Variants in CDKAL1 observed in about 807,000 individuals in gnomAD.
CDKAL1 encodes the protein threonylcarbamoyladenosine tRNA methylthiotransferase.
A neutral mutation model predicts 68.2 loss-of-function variants in CDKAL1; 32 were observed. The ratio of observed to expected loss-of-function variants is 0.47; its 90% CI spans 0.35 to 0.63. CDKAL1 has a LOEUF of 0.63. Ranked by LOEUF, CDKAL1 falls within the 30% of genes least tolerant of loss-of-function variation. The pLI is 0.00. For synonymous variants in CDKAL1, 234 were observed against 244.3 expected (o/e 0.96, Z 0.39); for missense variants, 606 against 696.7 (o/e 0.87, Z 1.47).
intron 2 of CDKAL1, among the ~76,000 whole-genome samples, chr6:20,540,184 C>G (rs1020835899): frequency 1.3e-5 from 2 of 150,940 alleles, no homozygotes; most frequent in African/African-American, 4.9e-5. Context: ...GGCAATTCTC[C>G]TGCCTCAGCC....
At position 21,197,169 on chromosome 6, in the gene CDKAL1, AT is replaced by A. The variant is rs200002855; in HGVS notation, c.1300-851del. Among the ~76,000 whole-genome samples, 796 of 149,190 alleles carry A rather than the reference AT, an allele frequency of 5.3e-3. 10 individuals are homozygous for A. Among genetic ancestry groups the A allele is most frequent in the African/African-American group, 0.017 (706 of 40,376 alleles). On this transcript the variant is annotated intron_variant, in intron 13 of 15. Transcript: ENST00000274695. ...TGAGACTCTGTCTCAAAAAAAAAAA[AT>A]AATAATAATAATAATACTTGATACC...
At chr6:20,887,529 ATAT>A (rs1761129280) in intron 9 of CDKAL1, among the ~76,000 whole-genome samples, 1 of 151,318 alleles carries the variant, frequency 6.6e-6, no homozygotes, top group Admixed American at 6.6e-5. Context: ...GAATTTAACA[ATAT>A]TATGCTGAGT....
chr6:21,212,693 A>G (rs1779197223), intron 15 of CDKAL1, among the ~76,000 whole-genome samples: 1 of 152,190 alleles, frequency 6.6e-6, no homozygotes, highest in South Asian at 2.1e-4. Context: ...ATAATGTTTA[A>G]AATTTTTTTC....
chr6:20,978,055 A>G (rs1032648851), intron 10 of CDKAL1, among the ~76,000 whole-genome samples: 12 of 152,234 alleles, frequency 7.9e-5, no homozygotes, highest in African/African-American at 2.9e-4. Context: ...ATTTTGATAT[A>G]GGGAATACTA....
At chr6:20,587,215 G>A (rs1417016476) in intron 4 of CDKAL1, among the ~76,000 whole-genome samples, 1 of 151,892 alleles carries the variant, frequency 6.6e-6, no homozygotes, top group Non-Finnish European at 1.5e-5. Flanking sequence ...TCGAACTCCT[G>A]ACCTCAGGTG....
At chr6:20,676,797 A>G (rs761105957) in intron 5 of CDKAL1, among the ~76,000 whole-genome samples, 36 of 152,206 alleles carry the variant, frequency 2.4e-4, no homozygotes, top group Non-Finnish European at 3.7e-4. Flanking sequence ...CACAGCATCT[A>G]GTGTAGTAAC....
At chr6:21,030,621 T>C (rs748233226) in intron 11 of CDKAL1, among the ~76,000 whole-genome samples, 2 of 152,196 alleles carry the variant, frequency 1.3e-5, no homozygotes, top group Non-Finnish European at 2.9e-5. Flanking sequence ...TTCCCTAACT[T>C]CAAGGTTTTG....
chr6:20,631,470 G>A (rs1294405420), intron 4 of CDKAL1, among the ~76,000 whole-genome samples: 4 of 152,108 alleles, frequency 2.6e-5, no homozygotes, highest in Admixed American at 1.3e-4. Context: ...CTTGTAGATT[G>A]GAAACTTTTA....
intron 4 of CDKAL1, among the ~76,000 whole-genome samples, chr6:20,586,721 G>T (rs191757175): frequency 6.6e-6 from 1 of 152,086 alleles, no homozygotes; most frequent in African/African-American, 2.4e-5. Context: ...CTTCAGATCC[G>T]GCTAGTGCAA....
At chr6:20,623,399 T>C (rs1245072767) in intron 4 of CDKAL1, among the ~76,000 whole-genome samples, 2 of 152,088 alleles carry the variant, frequency 1.3e-5, no homozygotes, top group African/African-American at 2.4e-5. Flanking sequence ...TTATATAACA[T>C]AGTTTGTCAG....
At chr6:21,226,576 T>A (rs1274005707) in intron 15 of CDKAL1, among the ~76,000 whole-genome samples, 1 of 152,262 alleles carries the variant, frequency 6.6e-6, no homozygotes, top group Non-Finnish European at 1.5e-5. Context: ...ATAACGCCTT[T>A]TGCGTAAGCA....
chr6:20,985,440 C>T (rs201352), intron 10 of CDKAL1, among the ~76,000 whole-genome samples: 14,609 of 152,118 alleles, frequency 0.096, 808 homozygotes, highest in Middle Eastern at 0.16. Context: ...ATTATAGGCA[C>T]CCGCCACCAC....
At chr6:20,967,206 TTATATC>T (rs1765363207) in intron 10 of CDKAL1, among the ~76,000 whole-genome samples, 1 of 152,274 alleles carries the variant, frequency 6.6e-6, no homozygotes, top group African/African-American at 2.4e-5. Context: ...TTTAACTTGA[TTATATC>T]TATTAAGACC....
At chr6:21,065,718 A>AT (rs1173779620) in intron 12 of CDKAL1, among the ~76,000 whole-genome samples, 1 of 140,480 alleles carries the variant, frequency 7.1e-6, no homozygotes, top group Non-Finnish European at 1.5e-5. Flanking sequence ...CCTCAATTTA[A>AT]TTTTATCCTT....
chr6:20,916,475 C>T (rs1353510675), intron 9 of CDKAL1, among the ~76,000 whole-genome samples: 1 of 152,088 alleles, frequency 6.6e-6, no homozygotes, highest in Admixed American at 6.6e-5. Flanking sequence ...GAAGAAATAA[C>T]AAGAGTATAG....
chr6:20,576,006 A>G (rs1764893066), intron 4 of CDKAL1, among the ~76,000 whole-genome samples: 1 of 152,182 alleles, frequency 6.6e-6, no homozygotes, highest in African/African-American at 2.4e-5. Flanking sequence ...GAGGGAAGTC[A>G]ATTAATTGAC....
intron 11 of CDKAL1, among the ~76,000 whole-genome samples, chr6:21,025,853 GA>G (rs1292693318): frequency 1.3e-5 from 2 of 151,658 alleles, no homozygotes; most frequent in East Asian, 1.9e-4. Context: ...AACCTTATAG[GA>G]AAAAAAGAAT....
chr6:20,828,383 C>T (rs1297754523), intron 8 of CDKAL1, among the ~76,000 whole-genome samples: 1 of 151,912 alleles, frequency 6.6e-6, no homozygotes, highest in African/African-American at 2.4e-5. Context: ...CATGCACCAC[C>T]GTGACTGGCT....
At chr6:20,956,226 C>T (rs546410317) in intron 10 of CDKAL1, among the ~76,000 whole-genome samples, 4 of 152,170 alleles carry the variant, frequency 2.6e-5, no homozygotes, top group Non-Finnish European at 5.9e-5. Flanking sequence ...ATGGTAATCA[C>T]TGTGAACAAA....
Sources: gnomAD v4.1 joint callset for allele counts (sites outside exome capture counted in the v4.1 genomes callset) on GRCh38, gnomAD v4.1.1 for gene constraint, MANE v1.5 for transcripts, NCBI Gene and HGNC (gene_info 2026-07-23, HGNC 2026-07-21) for gene names.